ARFGEF3: variants seen among roughly 807,000 people sequenced by gnomAD.
ARFGEF3 encodes the protein ARFGEF family member 3.
In ARFGEF3, 96 loss-of-function variants were observed where a neutral mutation model predicts 221.7. The observed-to-expected ratio is 0.43, with a 90% CI of 0.37 to 0.51. ARFGEF3 has a LOEUF of 0.51. Ranked by LOEUF, ARFGEF3 falls within the 20% of genes least tolerant of loss-of-function variation. The probability of loss-of-function intolerance (pLI) is 0.00; values close to 1 mark genes in which losing one functional copy is unlikely to be tolerated. For synonymous variants in ARFGEF3, 1,145 were observed against 1,126.8 expected, an observed-to-expected ratio of 1.02 and a Z score of -0.32; for missense variants, 2,410 against 2,789.9, an observed-to-expected ratio of 0.86 and a Z score of 3.07.
Position 138,334,852 on chromosome 6 carries a change from G to A in ARFGEF3, c.6006G>A (p.Lys2002=). 1 of 1,596,618 alleles carries A rather than the reference G, an allele frequency of 6.3e-7. No individual in the cohort carries two copies. Among genetic ancestry groups the A allele is most frequent in the Non-Finnish European group, 8.5e-7 (1 of 1,172,004 alleles). The change falls in exon 33 of 34, where the codon AAG becomes AAA. Residue 2002 remains lysine (K), a synonymous_variant. Transcript: ENST00000251691. The surrounding 1 kb of genome is among the most constrained non-coding windows in gnomAD (Gnocchi z 5.1). ...TGGAGAAGAAGGATCCCAGCCGGAA[G>A]AAGGAGTGGTGGGAGAATGCGGGGA... ...PKVEKKDPSR[K]KEWWENAGNK...
At chr6:138,206,397 C>T (rs147603978) in intron 2 of ARFGEF3, among the ~76,000 whole-genome samples, 36 of 149,086 alleles carry the variant, frequency 2.4e-4, no homozygotes, top group Non-Finnish European at 4.4e-4. Context: ...CATCTAGGCA[C>T]CTCTTATCGG....
Position 138,311,493 on chromosome 6 carries a change from C to T in ARFGEF3, c.4183C>T (p.Leu1395Phe), listed in dbSNP as rs1437207997. ...TDLCLPALDY[L>F]RRCSQLLAKI... is the part of the protein sequence containing the mutation. ...CCTGTGCCTCCCGGCCCTGGATTAC[C>T]TCAGGCGCTGCTCTCAGGTAGGGGA... The change falls in exon 25 of 34, where the codon CTC (leucine) becomes TTC (phenylalanine). Residue 1395 changes from leucine to phenylalanine, a missense_variant. Coordinates refer to ENST00000251691, the MANE Select transcript of ARFGEF3 (RefSeq NM_020340.5). The T allele has an allele frequency of 4.4e-6, 7 of 1,597,136 alleles. No individual in the cohort carries two copies. Among genetic ancestry groups the T allele is most frequent in the Non-Finnish European group, 6.0e-6 (7 of 1,171,972 alleles).
chr6:138,262,867 A>C lies in ARFGEF3; in HGVS notation c.1384A>C (p.Lys462Gln). The change falls in exon 12 of 34, where the codon AAG becomes CAG. Residue 462 changes from lysine (K) to glutamine (Q), a missense_variant. Physicochemically the swap from Lys to Gln is moderately conservative, Grantham distance 53. This residue lies in a region of ARFGEF3 where 570 missense variants were observed against 586.9 expected (regional missense o/e 0.97). Transcript: ENST00000251691. ...QLLLLRLEEL[K>Q]DGAEWSRDSM... ...GCTGCTTCTGCGCCTTGAGGAGCTGAAGGATGGGGCTGAGTGGAGCCGAGA... is the reference window on the plus strand; with the variant it reads ...GCTGCTTCTGCGCCTTGAGGAGCTGCAGGATGGGGCTGAGTGGAGCCGAGA... The C allele has an allele frequency of 6.2e-7, 1 of 1,613,938 alleles. No homozygotes were observed. The highest frequency in any genetic ancestry group is 8.5e-7 in the Non-Finnish European group (1 of 1,179,848).
chr6:138,229,058 G>T (rs937321809), intron 4 of ARFGEF3, among the ~76,000 whole-genome samples: 1 of 152,228 alleles, frequency 6.6e-6, no homozygotes, highest in Admixed American at 6.5e-5. Flanking sequence ...TAAAGATCTT[G>T]CAAATGTCAT....
intron 2 of ARFGEF3, among the ~76,000 whole-genome samples, chr6:138,186,348 G>A (rs1368590739): frequency 5.3e-5 from 8 of 152,120 alleles, no homozygotes; most frequent in Admixed American, 2.6e-4. Flanking sequence ...TCTGGAGGTC[G>A]GCTTTCAGCA....
chr6:138,329,702 G>A (rs929907317), intron 32 of ARFGEF3, among the ~76,000 whole-genome samples: 6 of 152,178 alleles, frequency 3.9e-5, no homozygotes, highest in Non-Finnish European at 7.4e-5. Flanking sequence ...GGGTTTGGTT[G>A]AACATAAGGC....
At chr6:138,296,776 G>C (rs1451098678) in intron 20 of ARFGEF3, 34 bp from the exon 21 acceptor site, 3 of 1,606,044 alleles carry the variant, frequency 1.9e-6, no homozygotes, top group Non-Finnish European at 2.6e-6. Context: ...CTGAGTTTTG[G>C]CTTTCTGGCA....
intron 32 of ARFGEF3, among the ~76,000 whole-genome samples, chr6:138,330,257 GC>G (rs1375271885): frequency 5.9e-5 from 9 of 152,046 alleles, no homozygotes; most frequent in Admixed American, 1.3e-4. Context: ...TGAGGGTGGA[GC>G]CCTCATGAAT....
Position 138,319,848 on chromosome 6 carries a change from G to T in ARFGEF3, c.4620G>T (p.Val1540=), listed in dbSNP as rs746531272. 4.3e-6 allele frequency: 7 copies of T among 1,613,990 alleles called. No individual in the cohort carries two copies. Among genetic ancestry groups the T allele is most frequent in the Non-Finnish European group, 5.9e-6 (7 of 1,179,886 alleles). ...CTATTGGTCTGTCCTGTGAGCTGGTGGTGGAGCACATTCAAAGCTTTCTAC... is the reference window on the plus strand; with the variant it reads ...CTATTGGTCTGTCCTGTGAGCTGGTTGTGGAGCACATTCAAAGCTTTCTAC... ...KHAIGLSCEL[V]VEHIQSFLHS... is the part of the protein sequence containing the mutation. Residue 1540 remains valine, a synonymous_variant, in exon 28 of 34, where the codon GTG becomes GTT. Transcript: ENST00000251691.
Position 138,207,105 on chromosome 6 carries a change from T to G in ARFGEF3, c.201T>G (p.His67Gln), listed in dbSNP as rs150176338. 2 of 1,611,080 alleles carry G rather than the reference T, an allele frequency of 1.2e-6. No individual in the cohort carries two copies. The highest frequency in any genetic ancestry group is 2.2e-5 in the South Asian group (2 of 89,944). The change falls in exon 3 of 34, where the codon CAT becomes CAG. Residue 67 changes from histidine (H) to glutamine (Q), a missense_variant. By Grantham distance (24) the His-to-Gln change is conservative. Transcript: ENST00000251691. ...LESKNVKLAQ[H>Q]ALAGMQKLLS... ...CCAAGAATGTGAAGCTGGCCCAACA[T>G]GCTTTGGCAGGGATGCAGGTATGGC...
Position 138,338,876 on chromosome 6 carries a change from C to T in ARFGEF3, c.*2390C>T, listed in dbSNP as rs866523287. On this transcript the variant is annotated 3_prime_UTR_variant, in exon 34 of 34. Transcript: ENST00000251691. ...TTTGTTTGGAAATCAGCATTCTCCCCGATGCTCTATTATGGGATCCAAAAT... is the reference window on the plus strand; with the variant it reads ...TTTGTTTGGAAATCAGCATTCTCCCTGATGCTCTATTATGGGATCCAAAAT... 2 of 152,014 alleles carry T rather than the reference C, an allele frequency of 1.3e-5. No homozygotes were observed. Among genetic ancestry groups the T allele is most frequent in the East Asian group, 1.9e-4 (1 of 5,180 alleles). The allele number at this position is 152,014 out of a possible 1,614,324, so 9.4% of individuals were successfully genotyped here.
intron 5 of ARFGEF3, among the ~76,000 whole-genome samples, chr6:138,233,836 C>T (rs1778237244): frequency 6.6e-6 from 1 of 152,120 alleles, no homozygotes; most frequent in Non-Finnish European, 1.5e-5. Flanking sequence ...ATGTTATATT[C>T]TCTGCAAGAC....
At chr6:138,224,155 G>T (rs536752419) in intron 4 of ARFGEF3, among the ~76,000 whole-genome samples, 79 of 152,260 alleles carry the variant, frequency 5.2e-4, no homozygotes, top group African/African-American at 1.7e-3. Context: ...TTGGAACCTT[G>T]ATAGAAATGA....
intron 11 of ARFGEF3, among the ~76,000 whole-genome samples, chr6:138,262,468 A>C (rs1778812887): frequency 1.3e-5 from 2 of 152,216 alleles, no homozygotes; most frequent in South Asian, 4.1e-4. Context: ...CTGGGATTAC[A>C]GGCGTGAGCC....
At chr6:138,256,463 C>G (rs1778683288) in intron 10 of ARFGEF3, among the ~76,000 whole-genome samples, 1 of 152,084 alleles carries the variant, frequency 6.6e-6, no homozygotes, top group African/African-American at 2.4e-5. Flanking sequence ...CAACCCCCAC[C>G]CCTCCAAAAA....
chr6:138,267,425 AG>A (rs1347840947), intron 12 of ARFGEF3, among the ~76,000 whole-genome samples: 1 of 152,168 alleles, frequency 6.6e-6, no homozygotes, highest in African/African-American at 2.4e-5. Context: ...TCCGCCTCAA[AG>A]AAAAAAAAAT....
chr6:138,339,248 A>T lies in ARFGEF3; in HGVS notation c.*2762A>T, dbSNP rs977608658. 1.3e-5 allele frequency: 2 copies of T among 152,266 alleles called. No homozygotes were observed. Among genetic ancestry groups the T allele is most frequent in the African/African-American group, 4.8e-5 (2 of 41,436 alleles). The allele number at this position is 152,266 out of a possible 1,614,324, so 9.4% of individuals were successfully genotyped here. A position where few individuals can be genotyped will look rare whatever the true frequency, so the allele number is the denominator to read the frequency against. The stretch of plus-strand genomic sequence containing the variant: ...GGAGAAGAAAGGGAGGAGATGAAGA[A>T]CACTGAGAGGGGAGTGGCACCTTCC... On this transcript the variant is annotated 3_prime_UTR_variant, in exon 34 of 34. Coordinates refer to ENST00000251691, the MANE Select transcript of ARFGEF3 (RefSeq NM_020340.5).
chr6:138,313,964 T>C, intron 26 of ARFGEF3, 25 bp downstream of exon 26: 1 of 1,610,546 alleles, frequency 6.2e-7, no homozygotes, highest in Non-Finnish European at 8.5e-7. Flanking sequence ...TGGACTAAAC[T>C]AGGTTATTTG....
In ARFGEF3 at chr6:138,177,421, CT is replaced by C. The variant is rs531642366; in HGVS notation, c.137+6712del. Among the ~76,000 whole-genome samples the C allele has an allele frequency of 4.6e-5, 7 of 152,186 alleles. No individual in the cohort carries two copies. The South Asian group carries it at 1.5e-3, about 32-fold the overall frequency. ...GGCATGAGCTACTGCACCTGGCTCACTTTTACTTTAGACAGTCTAATTATAA... is the reference window on the plus strand; with the variant it reads ...GGCATGAGCTACTGCACCTGGCTCACTTTACTTTAGACAGTCTAATTATAA... On this transcript the variant is annotated intron_variant, in intron 2 of 33. Transcript: ENST00000251691.
Sources: gnomAD v4.1 joint callset for allele counts (sites outside exome capture counted in the v4.1 genomes callset) on GRCh38, gnomAD v4.1.1 for gene constraint, gnomAD v4.1.1 regional missense constraint, Gnocchi (gnomAD v3.1) non-coding constraint, MANE v1.5 for transcripts, NCBI Gene and HGNC (gene_info 2026-07-23, HGNC 2026-07-21) for gene names.